Variants in FRMD4A observed in about 807,000 individuals in gnomAD.
FRMD4A encodes FERM domain-containing protein 4A.
A neutral mutation model predicts 129.1 loss-of-function variants in FRMD4A; 29 were observed. The ratio of observed to expected loss-of-function variants is 0.22; its 90% CI spans 0.17 to 0.31. The LOEUF (loss-of-function observed/expected upper bound fraction) is 0.31. FRMD4A is among the 10% of genes least tolerant of loss of function. The probability of loss-of-function intolerance (pLI) is 1.00; values close to 1 mark genes in which losing one functional copy is unlikely to be tolerated. For missense variants in FRMD4A, 1,272 were observed against 1,375.8 expected, an observed-to-expected ratio of 0.92 and a Z score of 1.19; for synonymous variants, 634 against 571.6, an observed-to-expected ratio of 1.11 and a Z score of -1.56.
chr10:13,657,068 T>A lies in FRMD4A; in HGVS notation c.2521A>T (p.Ile841Phe). Residue 841 changes from isoleucine (I) to phenylalanine (F), a missense_variant, in exon 22 of 25, where the codon ATC becomes TTC. Transcript: ENST00000357447. ...ACCACGGGCGTGGCGCCGCCCTCGA[T>A]GTACAGCGGGTACTCCTTGATGCGG... ...QYRIKEYPLY[I>F]EGGATPVVVR... The A allele has an allele frequency of 6.3e-7, 1 of 1,576,658 alleles. No individual in the cohort carries two copies. The highest frequency in any genetic ancestry group is 2.3e-5 in the East Asian group (1 of 42,664).
chr10:14,203,997 T>C (rs947832952), intron 2 of FRMD4A, among the ~76,000 whole-genome samples: 3 of 152,240 alleles, frequency 2.0e-5, no homozygotes, highest in Admixed American at 6.5e-5. Flanking sequence ...AGGGCTTTCA[T>C]TGAAATCACA....
chr10:13,838,252 ATTTT>A (rs905362746), intron 3 of FRMD4A, among the ~76,000 whole-genome samples: 6 of 125,996 alleles, frequency 4.8e-5, no homozygotes, highest in Admixed American at 8.0e-5. Context: ...TGCAGAGCTA[ATTTT>A]TTTTTTTTTT....
rs572328193 is a variant in FRMD4A, at chr10:13,794,972, C to G, written c.299+1524G>C. On this transcript the variant is annotated intron_variant, in intron 5 of 24. Transcript: ENST00000357447. ...TCTTAGAGACTGACACTTCCACCAC[C>G]AACGTCAAGGTGCCCCAAGCTCTCC... Among the ~76,000 whole-genome samples, 3 of 152,304 alleles carry G rather than the reference C, an allele frequency of 2.0e-5. No individual in the cohort carries two copies. The South Asian group carries it at 6.2e-4, about 32-fold the overall frequency.
chr10:14,275,390 A>G (rs1170067958), intron 2 of FRMD4A, among the ~76,000 whole-genome samples: 1 of 152,216 alleles, frequency 6.6e-6, no homozygotes, highest in Non-Finnish European at 1.5e-5. Flanking sequence ...CATCGGGGTG[A>G]GTGTATCGCA....
At chr10:13,810,088 A>G (rs1284276643) in intron 4 of FRMD4A, among the ~76,000 whole-genome samples, 2 of 152,240 alleles carry the variant, frequency 1.3e-5, no homozygotes, top group African/African-American at 4.8e-5. Flanking sequence ...AGAGAGAGAG[A>G]GAGAGAGTCT....
At chr10:13,873,593 C>G (rs1330930884) in intron 2 of FRMD4A, among the ~76,000 whole-genome samples, 1 of 152,314 alleles carries the variant, frequency 6.6e-6, no homozygotes, top group South Asian at 2.1e-4. Flanking sequence ...TTCGCCCAGG[C>G]TGGAGTGCAA....
intron 2 of FRMD4A, among the ~76,000 whole-genome samples, chr10:14,018,264 G>A (rs914395070): frequency 9.3e-5 from 14 of 150,940 alleles, no homozygotes; most frequent in Non-Finnish European, 7.4e-5. Flanking sequence ...TGGCTAACAT[G>A]GTGAAACCCC....
intron 2 of FRMD4A, among the ~76,000 whole-genome samples, chr10:13,977,616 A>C (rs2095546489): frequency 6.6e-6 from 1 of 152,232 alleles, no homozygotes; most frequent in Non-Finnish European, 1.5e-5. Flanking sequence ...GAACATTTTC[A>C]TCCCCCAAAA....
chr10:13,853,671 T>C (rs1224736836), intron 3 of FRMD4A, among the ~76,000 whole-genome samples: 1 of 151,624 alleles, frequency 6.6e-6, no homozygotes, highest in East Asian at 1.9e-4. Flanking sequence ...CTGTCTCTAC[T>C]AAAAATACAA....
At chr10:13,924,118 T>G (rs1445723510) in intron 2 of FRMD4A, among the ~76,000 whole-genome samples, 1 of 152,210 alleles carries the variant, frequency 6.6e-6, no homozygotes, top group African/African-American at 2.4e-5. Flanking sequence ...CCCACTTTTA[T>G]ACTATGTGCC....
chr10:14,226,334 C>T (rs1170301514), intron 2 of FRMD4A, among the ~76,000 whole-genome samples: 2 of 152,152 alleles, frequency 1.3e-5, no homozygotes, highest in East Asian at 1.9e-4. Context: ...CTCACTGTAC[C>T]TCTCTCCTTG....
chr10:14,281,567 T>G (rs964517085), intron 2 of FRMD4A, among the ~76,000 whole-genome samples: 10 of 152,220 alleles, frequency 6.6e-5, no homozygotes, highest in African/African-American at 2.4e-4. Flanking sequence ...CTAACACAAC[T>G]GTGGTAAAAG....
chr10:14,003,412 C>G (rs1588732919), intron 2 of FRMD4A: 1 of 152,264 alleles, frequency 6.6e-6, no homozygotes, highest in South Asian at 2.1e-4. Flanking sequence ...TTCAAGAGAA[C>G]AGTGATGTCC....
intron 2 of FRMD4A, among the ~76,000 whole-genome samples, chr10:14,187,499 T>C (rs936359304): frequency 2.6e-5 from 4 of 152,214 alleles, no homozygotes; most frequent in Non-Finnish European, 4.4e-5. Context: ...GAACGCTCCA[T>C]GGACATTTGC....
chr10:14,060,674 C>T (rs779373370), intron 2 of FRMD4A, among the ~76,000 whole-genome samples: 16 of 152,078 alleles, frequency 1.1e-4, no homozygotes, highest in South Asian at 2.1e-4. Context: ...AGATAAGGTA[C>T]GCAAATCATT....
intron 2 of FRMD4A, among the ~76,000 whole-genome samples, chr10:13,979,237 C>A (rs931195292): frequency 6.6e-6 from 1 of 152,112 alleles, no homozygotes; most frequent in Admixed American, 6.5e-5. Context: ...GGGTTACATG[C>A]AGGTCTGGGG....
At chr10:14,293,057 C>T (rs1845898951) in intron 2 of FRMD4A, among the ~76,000 whole-genome samples, 1 of 152,028 alleles carries the variant, frequency 6.6e-6, no homozygotes, top group Non-Finnish European at 1.5e-5. Flanking sequence ...AAAAGACAAA[C>T]AAGTGATAGA....
At chr10:14,282,024 TAAAAA>T (rs1845536563) in intron 2 of FRMD4A, among the ~76,000 whole-genome samples, 1 of 152,024 alleles carries the variant, frequency 6.6e-6, no homozygotes, top group African/African-American at 2.4e-5. Context: ...TGGTGGAAGG[TAAAAA>T]GCACGTCTTA....
intron 16 of FRMD4A, among the ~76,000 whole-genome samples, chr10:13,672,276 T>A (rs890909908): frequency 6.6e-6 from 1 of 152,160 alleles, no homozygotes; most frequent in East Asian, 1.9e-4. Flanking sequence ...ACTCTGCAAT[T>A]TTCTTCCCTG....
Sources: gnomAD v4.1 joint callset for allele counts (sites outside exome capture counted in the v4.1 genomes callset) on GRCh38, gnomAD v4.1.1 for gene constraint, MANE v1.5 for transcripts, NCBI Gene and HGNC (gene_info 2026-07-23, HGNC 2026-07-21) for gene names.